The following SCML4 variants were observed in gnomAD, a reference collection of about 807,000 sequenced individuals.
SCML4 encodes Scm polycomb group protein like 4.
SCML4 carries 34 observed loss-of-function variants against 41.1 expected under a neutral mutation model. The ratio of observed to expected loss-of-function variants is 0.83; its 90% CI spans 0.63 to 1.10. The LOEUF (loss-of-function observed/expected upper bound fraction) is 1.10, where lower values mean the gene tolerates loss of function less well. Ranked by LOEUF, SCML4 falls within the 50% of genes least tolerant of loss-of-function variation. The pLI is 0.00. For synonymous variants in SCML4, 214 were observed against 220.9 expected (o/e 0.97, Z 0.28); for missense variants, 522 against 534.1 (o/e 0.98, Z 0.22).
At chr6:107,843,931 AAGAGAGAGAG>A in the SCML4 span, among the ~76,000 whole-genome samples, 2 of 150,366 alleles carry the variant, frequency 1.3e-5, no homozygotes, top group African/African-American at 4.9e-5. Flanking sequence ...CACTGAGAGG[AAGAGAGAGAG>A]AGAGAGAGAG....
Position 107,704,274 on chromosome 6 carries a change from T to C in SCML4, c.*926A>G, listed in dbSNP as rs920624249. ...CATGGCTAAATGTCACTAAGATTCT[T>C]CGGCATGCCAACACTTCAACACCTC... On this transcript the variant is annotated 3_prime_UTR_variant, in exon 8 of 8. Transcript: ENST00000369020. The C allele has an allele frequency of 1.3e-5, 2 of 152,220 alleles. No homozygotes were observed. Among genetic ancestry groups the C allele is most frequent in the African/African-American group, 4.8e-5 (2 of 41,448 alleles). The allele number at this position is 152,220 out of a possible 1,614,324, so 9.4% of individuals were successfully genotyped here. A position where few individuals can be genotyped will look rare whatever the true frequency, so the allele number is the denominator to read the frequency against.
At chr6:107,820,933 T>C (rs1269569197) in intron 1 of SCML4, among the ~76,000 whole-genome samples, 1 of 152,194 alleles carries the variant, frequency 6.6e-6, no homozygotes, top group Non-Finnish European at 1.5e-5. Flanking sequence ...CTCAGAAATT[T>C]TACCACGATT....
chr6:107,714,036 C>T (rs113040401), intron 6 of SCML4, among the ~76,000 whole-genome samples: 3,340 of 152,208 alleles, frequency 0.022, 83 homozygotes, highest in African/African-American at 0.06. Flanking sequence ...CTCAGCCTCC[C>T]GAGTAGCTGG....
intron 1 of SCML4, among the ~76,000 whole-genome samples, chr6:107,820,628 G>C (rs151124729): frequency 2.7e-3 from 410 of 152,312 alleles, no homozygotes; most frequent in Non-Finnish European, 5.0e-3. Flanking sequence ...AAAACATGAA[G>C]GAGTGAGCCC....
chr6:107,731,609 G>A (rs557533962), intron 5 of SCML4, among the ~76,000 whole-genome samples: 119 of 152,318 alleles, frequency 7.8e-4, no homozygotes, highest in African/African-American at 2.8e-3. Flanking sequence ...AGGATTGATT[G>A]CCTGACCCCT....
the SCML4 span, among the ~76,000 whole-genome samples, chr6:107,831,352 T>G: frequency 1.4e-5 from 2 of 142,128 alleles, no homozygotes; most frequent in African/African-American, 5.2e-5. Context: ...ATACAACCAT[T>G]GCCTTTAGAA....
chr6:107,844,351 G>A, the SCML4 span, among the ~76,000 whole-genome samples: 1 of 152,162 alleles, frequency 6.6e-6, no homozygotes, highest in African/African-American at 2.4e-5. Context: ...TACCTTAAAT[G>A]TATTAAGAAA....
In SCML4 at chr6:107,720,947, CA is replaced by C; in HGVS notation, c.728del (p.Met243ArgfsTer63). The C allele has an allele frequency of 6.2e-7, 1 of 1,613,790 alleles. No homozygotes were observed. On this transcript the variant is annotated frameshift_variant, in exon 6 of 8. Coordinates refer to ENST00000369020, the MANE Select transcript of SCML4 (RefSeq NM_198081.5). LOFTEE classifies it high-confidence loss of function. The part of the protein sequence containing the change: ...TEEYLVNPVG[M>X]NRYSVDTSAS... ...CGGAGGTGTCCACGCTGTAGCGGTTCATGCCCACAGGGTTCACCAGGTACTC... is the reference window on the plus strand; with the variant it reads ...CGGAGGTGTCCACGCTGTAGCGGTTCTGCCCACAGGGTTCACCAGGTACTC...
At chr6:107,756,540 G>A (rs866669030) in intron 2 of SCML4, among the ~76,000 whole-genome samples, 12 of 152,300 alleles carry the variant, frequency 7.9e-5, no homozygotes, top group South Asian at 2.1e-4. Context: ...ATGTTATGTA[G>A]TATCTTGGAT....
At position 107,800,867 on chromosome 6, in the gene SCML4, G is replaced by T. The variant is rs370657406; in HGVS notation, c.-60+23259C>A. On this transcript the variant is annotated intron_variant, in intron 1 of 7. Coordinates refer to ENST00000369020, the MANE Select transcript of SCML4 (RefSeq NM_198081.5). Reference sequence around the variant, plus strand: ...GGTGGCAAGTAGATCAATAAGCAAGGGTCCTGGCAGTGTTAAACAGAGGAG... The same window carrying T: ...GGTGGCAAGTAGATCAATAAGCAAGTGTCCTGGCAGTGTTAAACAGAGGAG... Among the ~76,000 whole-genome samples, 12 of 152,300 alleles carry T rather than the reference G, an allele frequency of 7.9e-5. No individual in the cohort carries two copies. In the South Asian group the frequency reaches 1.5e-3, roughly 18 times the overall value.
intron 1 of SCML4, among the ~76,000 whole-genome samples, chr6:107,804,996 A>G (rs887650575): frequency 6.6e-6 from 1 of 152,222 alleles, no homozygotes; most frequent in African/African-American, 2.4e-5. Context: ...AGTGGCAGCC[A>G]GACCCCAAAT....
chr6:107,777,715 G>A (rs545556531), intron 1 of SCML4, among the ~76,000 whole-genome samples: 164 of 152,076 alleles, frequency 1.1e-3, no homozygotes, highest in Non-Finnish European at 2.1e-3. Flanking sequence ...ATGATGGACA[G>A]GAGTGTTTCA....
chr6:107,808,042 G>C (rs1043442351), intron 1 of SCML4, among the ~76,000 whole-genome samples: 3 of 152,084 alleles, frequency 2.0e-5, no homozygotes, highest in Non-Finnish European at 2.9e-5. Flanking sequence ...CTTGATATTA[G>C]GAATTGAGTT....
intron 6 of SCML4, chr6:107,720,445 T>G: frequency 8.6e-7 from 1 of 1,164,918 alleles, no homozygotes; most frequent in Non-Finnish European, 1.1e-6. Context: ...TTCTATGGTA[T>G]TTGAGCCTGT....
At chr6:107,795,703 A>C (rs1782657333) in intron 1 of SCML4, among the ~76,000 whole-genome samples, 1 of 151,914 alleles carries the variant, frequency 6.6e-6, no homozygotes, top group Admixed American at 6.6e-5. Context: ...AATTTTTTTT[A>C]TCTTTAGTAG....
At position 107,705,123 on chromosome 6, in the gene SCML4, T is replaced by C; in HGVS notation, c.*77A>G. The C allele has an allele frequency of 7.7e-7, 1 of 1,301,610 alleles. No individual in the cohort carries two copies. The allele number at this position is 1,301,610 out of a possible 1,614,324, so 80.6% of individuals were successfully genotyped here. On this transcript the variant is annotated 3_prime_UTR_variant, in exon 8 of 8. Coordinates refer to ENST00000369020, the MANE Select transcript of SCML4 (RefSeq NM_198081.5). ...TAAGAGGAGAGTCTAGTTTGTGATG[T>C]TGGCGGGATATTGGTAAGGCAGAAG...
intron 2 of SCML4, among the ~76,000 whole-genome samples, chr6:107,762,876 C>CTTTTTTTTT (rs57370632): frequency 1.1e-5 from 1 of 89,656 alleles, no homozygotes; most frequent in Non-Finnish European, 1.9e-5. Context: ...TAAATGCACT[C>CTTTTTTTTT]TTTTTTTTTT....
chr6:107,727,159 C>T (rs1380790998), intron 5 of SCML4, among the ~76,000 whole-genome samples: 2 of 152,138 alleles, frequency 1.3e-5, no homozygotes, highest in Non-Finnish European at 2.9e-5. Flanking sequence ...CCACAAGAGA[C>T]CACATGTCAA....
chr6:107,744,866 A>T (rs971427414), intron 5 of SCML4, 83 bp downstream of exon 5: 1 of 1,163,956 alleles, frequency 8.6e-7, no homozygotes, highest in African/African-American at 1.6e-5. Flanking sequence ...AGGAGCTACA[A>T]TGGCTCCCTC....
Sources: gnomAD v4.1 joint callset for allele counts (sites outside exome capture counted in the v4.1 genomes callset) on GRCh38, gnomAD v4.1.1 for gene constraint, MANE v1.5 for transcripts, NCBI Gene and HGNC (gene_info 2026-07-23, HGNC 2026-07-21) for gene names.